RAD23B: variants seen among roughly 807,000 people sequenced by gnomAD.
The protein encoded by RAD23B is lysine-specific demethylase RAD23B.
In RAD23B, 5 loss-of-function variants were observed where a neutral mutation model predicts 49.1. The observed-to-expected ratio is 0.10, with a 90% CI of 0.05 to 0.21. The LOEUF (loss-of-function observed/expected upper bound fraction) is 0.21. RAD23B is among the 10% of genes least tolerant of loss of function. The probability of loss-of-function intolerance (pLI) is 1.00; values close to 1 mark genes in which losing one functional copy is unlikely to be tolerated. For missense variants in RAD23B, 356 were observed against 486.7 expected (o/e 0.73, Z 2.53); for synonymous variants, 184 against 165.4 (o/e 1.11, Z -0.86).
chr9:107,302,307 AC>A (rs1320212655), intron 3 of RAD23B, among the ~76,000 whole-genome samples, 193 bp downstream of exon 3: 4 of 152,202 alleles, frequency 2.6e-5, no homozygotes, highest in African/African-American at 9.6e-5. Flanking sequence ...TACACATTAA[AC>A]TATAATATAG....
intron 6 of RAD23B, among the ~76,000 whole-genome samples, chr9:107,321,534 C>G (rs545439064): frequency 6.6e-6 from 1 of 152,266 alleles, no homozygotes; most frequent in East Asian, 1.9e-4. Context: ...CAAACTCAAT[C>G]CTTTTTATCA....
At chr9:107,326,505 G>T (rs1827205599) in intron 9 of RAD23B, among the ~76,000 whole-genome samples, 2 of 150,860 alleles carry the variant, frequency 1.3e-5, no homozygotes, top group Admixed American at 1.3e-4. Context: ...AAAAGAATTG[G>T]TGTGAATTTT....
Position 107,305,294 on chromosome 9 carries a change from A to C in RAD23B, c.229-1085A>C, listed in dbSNP as rs1826739882. Among the ~76,000 whole-genome samples, 4 of 152,040 alleles carry C rather than the reference A, an allele frequency of 2.6e-5. No individual in the cohort carries two copies. In the South Asian group the frequency reaches 8.3e-4, roughly 32 times the overall value. ...CTCCAGTCTGGGCGATAGAGTGAGA[A>C]CCTCTCTCAAAAAGAAACAAAAGAA... On this transcript the variant is annotated intron_variant, in intron 3 of 9. Coordinates refer to ENST00000358015, the MANE Select transcript of RAD23B (RefSeq NM_002874.5).
chr9:107,321,085 G>A (rs1827102227), intron 6 of RAD23B, among the ~76,000 whole-genome samples: 2 of 152,126 alleles, frequency 1.3e-5, no homozygotes, highest in African/African-American at 4.8e-5. Context: ...TGTCCCAAAA[G>A]AGTTTAGTGC....
chr9:107,290,664 A>G (rs1241732845), intron 1 of RAD23B, among the ~76,000 whole-genome samples: 1 of 152,260 alleles, frequency 6.6e-6, no homozygotes, highest in Non-Finnish European at 1.5e-5. Context: ...ATCAGGTGAG[A>G]TCATGGGCAT....
At chr9:107,292,877 A>G (rs139242103) in intron 1 of RAD23B, among the ~76,000 whole-genome samples, 6 of 152,270 alleles carry the variant, frequency 3.9e-5, no homozygotes, top group South Asian at 2.1e-4. Context: ...CTACCTGTGT[A>G]CTAGTTAACC....
intron 1 of RAD23B, among the ~76,000 whole-genome samples, chr9:107,285,479 A>G (rs918886592): frequency 7.2e-5 from 11 of 152,214 alleles, no homozygotes; most frequent in African/African-American, 2.2e-4. Context: ...GAAGTTATGC[A>G]GTGACTCTGT....
chr9:107,293,082 A>G (rs1304817278), intron 1 of RAD23B, among the ~76,000 whole-genome samples: 1 of 151,568 alleles, frequency 6.6e-6, no homozygotes, highest in African/African-American at 2.4e-5. Flanking sequence ...ACTGAAAGTG[A>G]CTTCCTCACA....
At chr9:107,319,239 T>A (rs11573688) in intron 6 of RAD23B, among the ~76,000 whole-genome samples, 2,380 of 149,206 alleles carry the variant, frequency 0.016, 66 homozygotes, top group African/African-American at 0.056. Context: ...CACGCCTTTC[T>A]CCTGCCTCAG....
rs200172742 is a variant in RAD23B at position 107,295,086 on chromosome 9, TG to T, written c.67-5047del. ...TGTTAATGGAATGGCCAGCGGTGGGTGGGGGGGGACTACCAGAGAAAATAAG... is the reference window on the plus strand; with the variant it reads ...TGTTAATGGAATGGCCAGCGGTGGGTGGGGGGGACTACCAGAGAAAATAAG... On this transcript the variant is annotated intron_variant, in intron 1 of 9. Coordinates refer to ENST00000358015, the MANE Select transcript of RAD23B (RefSeq NM_002874.5). Among the ~76,000 whole-genome samples, 337 of 142,892 alleles carry T rather than the reference TG, an allele frequency of 2.4e-3. 3 individuals are homozygous for T. The highest frequency in any genetic ancestry group is 4.8e-3 in the East Asian group (21 of 4,348). The allele number at this position is 142,892 out of a possible 152,430, so 93.7% of individuals were successfully genotyped here.
chr9:107,284,982 T>TA (rs1221723215), intron 1 of RAD23B: 4 of 1,294,798 alleles, frequency 3.1e-6, no homozygotes, highest in Non-Finnish European at 4.1e-6. Flanking sequence ...TGAGTGGAGA[T>TA]ACAGTGTTAC....
chr9:107,284,321 C>T (rs142808550), intron 1 of RAD23B: 2 of 703,982 alleles, frequency 2.8e-6, no homozygotes, highest in East Asian at 2.7e-4. Context: ...TTTGAGGCCT[C>T]TTTGGTGATG....
intron 5 of RAD23B, among the ~76,000 whole-genome samples, chr9:107,315,178 C>T (rs1313287336): frequency 6.6e-6 from 1 of 152,056 alleles, no homozygotes; most frequent in Non-Finnish European, 1.5e-5. Flanking sequence ...GGTCTAGTTT[C>T]GTTCTTCTAA....
At position 107,328,394 on chromosome 9, in the gene RAD23B, G is replaced by A. The variant is rs138910401; in HGVS notation, c.1117-1149G>A. On this transcript the variant is annotated intron_variant, in intron 9 of 9. Transcript: ENST00000358015. ...ACTGTTCCACCTCCGATCATCAGGC[G>A]TTAGTTAGGTTAGGAAGTGGGGTGG... is the stretch of plus-strand genomic sequence containing the variant. 7.8e-4 allele frequency among the ~76,000 whole-genome samples: 118 copies of A among 152,124 alleles called. 1 individual carries two copies. In the East Asian group the frequency reaches 0.013, roughly 17 times the overall value.
At chr9:107,322,740 G>T (rs1827135458) in intron 7 of RAD23B, among the ~76,000 whole-genome samples, 1 of 152,176 alleles carries the variant, frequency 6.6e-6, no homozygotes, top group Non-Finnish European at 1.5e-5. Flanking sequence ...ATCTTGAAAA[G>T]GCCATTCTTC....
chr9:107,318,988 T>A lies in RAD23B; in HGVS notation c.681+109T>A. On this transcript the variant is annotated intron_variant, in intron 6 of 9. Coordinates refer to ENST00000358015, the MANE Select transcript of RAD23B (RefSeq NM_002874.5). The surrounding 1 kb of genome is among the most constrained non-coding windows in gnomAD (Gnocchi z 4.3). ...TGTCACTGATATATGCTAGATGATA[T>A]ACATAATGCTTTTTTTTTTCTAGTA... 1 of 1,045,212 alleles carries A rather than the reference T, an allele frequency of 9.6e-7. No individual in the cohort carries two copies. Among genetic ancestry groups the A allele is most frequent in the African/African-American group, 1.6e-5 (1 of 61,220 alleles). 64.7% of individuals were successfully genotyped at this position (1,045,212 alleles called of 1,614,324 possible).
intron 9 of RAD23B, 62 bp downstream of exon 9, chr9:107,325,066 G>T (rs781597689): frequency 6.6e-7 from 1 of 1,511,386 alleles, no homozygotes; most frequent in East Asian, 2.5e-5. Flanking sequence ...TGTAATTCCA[G>T]CACTTTGGGA....
chr9:107,320,249 T>G (rs1300606563), intron 6 of RAD23B, among the ~76,000 whole-genome samples: 1 of 152,234 alleles, frequency 6.6e-6, no homozygotes, highest in African/African-American at 2.4e-5. Context: ...TTATCCAGTT[T>G]GTTTGGAATT....
intron 4 of RAD23B, among the ~76,000 whole-genome samples, chr9:107,310,271 A>G (rs1431776134): frequency 1.3e-5 from 2 of 152,210 alleles, no homozygotes; most frequent in East Asian, 1.9e-4. Context: ...CCATAAGCTA[A>G]TGGAGAACAA....
Sources: allele counts gnomAD v4.1 joint callset (sites outside exome capture counted in the v4.1 genomes callset), GRCh38; gene constraint gnomAD v4.1.1; non-coding constraint Gnocchi (gnomAD v3.1); transcripts MANE v1.5; gene names NCBI Gene and HGNC (gene_info 2026-07-23, HGNC 2026-07-21).